CDH4: variants seen among roughly 807,000 people sequenced by gnomAD.
The protein encoded by CDH4 is cadherin-4.
A neutral mutation model predicts 86.0 loss-of-function variants in CDH4; 33 were observed. The ratio of observed to expected loss-of-function variants is 0.38; its 90% confidence interval spans 0.29 to 0.51. CDH4 has a LOEUF of 0.51. Ranked by LOEUF, CDH4 falls within the 20% of genes least tolerant of loss-of-function variation. The pLI is 0.86. For synonymous variants in CDH4, 555 were observed against 549.4 expected (o/e 1.01, Z -0.14); for missense variants, 1,114 against 1,307.4 (o/e 0.85, Z 2.28).
intron 4 of CDH4, among the ~76,000 whole-genome samples, chr20:61,777,996 G>C (rs1471313070): frequency 1.3e-5 from 2 of 152,132 alleles, no homozygotes; most frequent in Non-Finnish European, 2.9e-5. Flanking sequence ...ACACACACGT[G>C]CACACTATAC....
At chr20:61,932,943 C>A (rs370807625) in intron 13 of CDH4, 42 bp from the exon 14 acceptor site, 8 of 1,595,322 alleles carry the variant, frequency 5.0e-6, no homozygotes, top group Non-Finnish European at 6.9e-6. Context: ...CACATGCGCA[C>A]ACCCGCAGCA....
intron 2 of CDH4, among the ~76,000 whole-genome samples, chr20:61,389,712 C>G (rs1278821012): frequency 6.8e-6 from 1 of 146,838 alleles, no homozygotes; most frequent in Non-Finnish European, 1.5e-5. Context: ...ACAATTGGCA[C>G]CTGGTGGGTG....
intron 3 of CDH4, among the ~76,000 whole-genome samples, chr20:61,752,451 C>A (rs1404432748): frequency 1.3e-5 from 2 of 151,048 alleles, no homozygotes; most frequent in African/African-American, 2.4e-5. Flanking sequence ...TGGGAGTGTA[C>A]AATGGTACAA....
chr20:61,298,142 T>G (rs1256728249), intron 2 of CDH4, among the ~76,000 whole-genome samples: 1 of 152,184 alleles, frequency 6.6e-6, no homozygotes, highest in African/African-American at 2.4e-5. Flanking sequence ...AAGAGTGCGA[T>G]TGGGCGCCAG....
intron 10 of CDH4, 41 bp from the exon 11 acceptor site, chr20:61,924,293 A>AC: frequency 1.7e-6 from 1 of 577,824 alleles, no homozygotes; most frequent in Non-Finnish European, 2.6e-6. Flanking sequence ...AGCCCCGCCC[A>AC]CCCCCAGCCT....
chr20:61,836,031 T>G (rs1190272985), intron 4 of CDH4, among the ~76,000 whole-genome samples: 1 of 152,222 alleles, frequency 6.6e-6, no homozygotes, highest in East Asian at 1.9e-4. Context: ...GCTCTGGGTC[T>G]TGACCGGGCT....
At chr20:61,735,328 C>T (rs997008470) in intron 2 of CDH4, among the ~76,000 whole-genome samples, 1 of 152,220 alleles carries the variant, frequency 6.6e-6, no homozygotes, top group African/African-American at 2.4e-5. Context: ...TTCAGGCATA[C>T]AATTCAGTGG....
intron 4 of CDH4, among the ~76,000 whole-genome samples, chr20:61,805,755 G>A (rs1356440039): frequency 6.6e-6 from 1 of 152,230 alleles, no homozygotes; most frequent in Admixed American, 6.5e-5. Flanking sequence ...AACTCAGGGA[G>A]GGGCCCTCTC....
intron 2 of CDH4, among the ~76,000 whole-genome samples, chr20:61,319,400 G>T (rs909908964): frequency 6.6e-6 from 1 of 152,038 alleles, no homozygotes; most frequent in African/African-American, 2.4e-5. Flanking sequence ...ACTGTTAAGA[G>T]TGCATCACAT....
intron 2 of CDH4, among the ~76,000 whole-genome samples, chr20:61,371,244 G>A (rs2145434110): frequency 6.6e-6 from 1 of 152,264 alleles, no homozygotes; most frequent in Admixed American, 6.5e-5. Flanking sequence ...GTGGGAAGTG[G>A]GGAGAGGTGG....
At chr20:61,806,260 G>A (rs1014285602) in intron 4 of CDH4, among the ~76,000 whole-genome samples, 10 of 152,172 alleles carry the variant, frequency 6.6e-5, no homozygotes, top group African/African-American at 2.4e-4. Context: ...GGTTGGGGGT[G>A]GAGTGTTCTT....
Position 61,743,715 on chromosome 20 carries a change from C to T in CDH4, c.322C>T (p.Gln108Ter). The T allele has an allele frequency of 6.2e-7, 1 of 1,611,348 alleles. No individual in the cohort carries two copies. Among genetic ancestry groups the T allele is most frequent in the Non-Finnish European group, 8.5e-7 (1 of 1,179,082 alleles). Residue 108 changes from glutamine (Q) to a stop codon, truncating the protein, a stop_gained, in exon 3 of 16, where the codon CAG becomes TAG. Coordinates refer to ENST00000614565, the MANE Select transcript of CDH4 (RefSeq NM_001794.5). LOFTEE classifies it high-confidence loss of function. ...GTTCACGGTGACTGCATGGGACAGC[C>T]AGACAGCAGAGAAATGGGACGCCGT... ...VAFTVTAWDSQTAEKWDAVVR... is the reference protein window; with the variant it reads ...VAFTVTAWDS
chr20:61,673,620 A>C (rs779195766), intron 2 of CDH4, among the ~76,000 whole-genome samples: 1 of 152,206 alleles, frequency 6.6e-6, no homozygotes. Context: ...CCGTTCTTGA[A>C]TATTTATCCA....
At chr20:61,303,711 G>A (rs762141965) in intron 2 of CDH4, among the ~76,000 whole-genome samples, 1 of 152,170 alleles carries the variant, frequency 6.6e-6, no homozygotes, top group Non-Finnish European at 1.5e-5. Context: ...AGGGGAGCAG[G>A]GAGGAGGAGG....
chr20:61,554,572 T>A (rs905833227), intron 2 of CDH4, among the ~76,000 whole-genome samples: 3 of 152,224 alleles, frequency 2.0e-5, no homozygotes, highest in African/African-American at 7.2e-5. Context: ...AACTGGGATT[T>A]GTTGCAGAAA....
intron 7 of CDH4, among the ~76,000 whole-genome samples, chr20:61,885,259 G>T (rs1311187456): frequency 3.3e-5 from 5 of 152,104 alleles, no homozygotes; most frequent in Non-Finnish European, 7.4e-5. Flanking sequence ...TTAGCTCCAG[G>T]ACTCTTCCAT....
intron 2 of CDH4, among the ~76,000 whole-genome samples, chr20:61,261,017 C>G (rs1386864541): frequency 8.5e-5 from 13 of 152,206 alleles, no homozygotes; most frequent in Admixed American, 8.5e-4. Flanking sequence ...CGAGGCAGAA[C>G]ACTGCCGCCC....
chr20:61,707,145 C>T (rs959129919), intron 2 of CDH4, among the ~76,000 whole-genome samples: 5 of 152,262 alleles, frequency 3.3e-5, no homozygotes, highest in Non-Finnish European at 2.9e-5. Flanking sequence ...GTGCCGGGGT[C>T]CCCATGAGCG....
intron 4 of CDH4, among the ~76,000 whole-genome samples, 199 bp downstream of exon 4, chr20:61,773,381 G>A (rs182426441): frequency 6.6e-6 from 1 of 152,214 alleles, no homozygotes; most frequent in Non-Finnish European, 1.5e-5. Flanking sequence ...CGGTGGATGG[G>A]CCTTTGTGAG....
Sources: allele counts gnomAD v4.1 joint callset (sites outside exome capture counted in the v4.1 genomes callset), GRCh38; gene constraint gnomAD v4.1.1; transcripts MANE v1.5; gene names NCBI Gene and HGNC (gene_info 2026-07-23, HGNC 2026-07-21).